HIVEP3: variants seen among roughly 807,000 people sequenced by gnomAD.
HIVEP3 encodes transcription factor HIVEP3.
A neutral mutation model predicts 152.8 loss-of-function variants in HIVEP3; 49 were observed. The ratio of observed to expected loss-of-function variants is 0.32; its 90% CI spans 0.26 to 0.41. The LOEUF (loss-of-function observed/expected upper bound fraction) is 0.41, where lower values mean the gene tolerates loss of function less well. Ranked by LOEUF, HIVEP3 falls within the 10% of genes least tolerant of loss-of-function variation. HIVEP3 has a pLI of 1.00. For synonymous variants in HIVEP3, 1,269 were observed against 1,289.0 expected (o/e 0.98, Z 0.33); for missense variants, 2,790 against 3,103.3 (o/e 0.90, Z 2.40).
intron 5 of HIVEP3, among the ~76,000 whole-genome samples, chr1:41,525,952 G>C (rs145303060): frequency 6.6e-6 from 1 of 151,998 alleles, no homozygotes; most frequent in Non-Finnish European, 1.5e-5. Context: ...TGGAGGAGGC[G>C]TGGCTTCTCA....
intron 1 of HIVEP3, among the ~76,000 whole-genome samples, chr1:41,959,527 T>C (rs1645157971): frequency 6.6e-6 from 1 of 152,216 alleles, no homozygotes; most frequent in South Asian, 2.1e-4. Context: ...GCTGGCCTGA[T>C]CGAGCATTGG....
chr1:41,676,967 C>T (rs566943670), intron 2 of HIVEP3, among the ~76,000 whole-genome samples: 102 of 152,178 alleles, frequency 6.7e-4, no homozygotes, highest in Non-Finnish European at 1.3e-3. Flanking sequence ...CCCTTCTCCA[C>T]CCTGCAGAGT....
intron 3 of HIVEP3, among the ~76,000 whole-genome samples, chr1:41,614,885 A>T (rs1570110287): frequency 6.6e-6 from 1 of 152,340 alleles, no homozygotes. Context: ...TAAGATCTGA[A>T]GGAAATTTCT....
intron 5 of HIVEP3, among the ~76,000 whole-genome samples, chr1:41,528,220 C>A (rs111068058): frequency 7.1e-6 from 1 of 140,846 alleles, no homozygotes; most frequent in African/African-American, 2.7e-5. Context: ...CACCTTCACA[C>A]TCCACCCTCA....
chr1:41,675,128 G>A (rs952715843), intron 2 of HIVEP3, among the ~76,000 whole-genome samples: 4 of 152,220 alleles, frequency 2.6e-5, no homozygotes, highest in South Asian at 4.1e-4. Flanking sequence ...ACCCCTGTGT[G>A]CCCCATGCCT....
At chr1:41,825,752 G>A (rs193011090) in intron 1 of HIVEP3, among the ~76,000 whole-genome samples, 106 of 152,098 alleles carry the variant, frequency 7.0e-4, no homozygotes, top group African/African-American at 2.3e-3. Flanking sequence ...GACTACAGGC[G>A]TGTGCCACCA....
intron 1 of HIVEP3, among the ~76,000 whole-genome samples, chr1:41,972,594 G>A (rs561984189): frequency 6.6e-6 from 1 of 152,316 alleles, no homozygotes; most frequent in East Asian, 1.9e-4. Flanking sequence ...ATCAATAAAT[G>A]CACATAAGTT....
intron 1 of HIVEP3, among the ~76,000 whole-genome samples, chr1:42,017,518 A>G (rs987889779): frequency 7.2e-5 from 11 of 152,090 alleles, no homozygotes; most frequent in Non-Finnish European, 1.0e-4. Context: ...ATTACCAGAG[A>G]TTAGTGCTGC....
At chr1:41,731,943 G>A (rs1301415377) in intron 1 of HIVEP3, among the ~76,000 whole-genome samples, 5 of 152,256 alleles carry the variant, frequency 3.3e-5, no homozygotes, top group Non-Finnish European at 7.3e-5. Context: ...GGTTAAACAA[G>A]TGAATGATTC....
At chr1:41,544,772 C>T (rs1320710121) in intron 5 of HIVEP3, among the ~76,000 whole-genome samples, 27 of 146,194 alleles carry the variant, frequency 1.8e-4, no homozygotes, top group African/African-American at 5.8e-4. Context: ...CCACCACTAC[C>T]ACTACCTCTA....
At chr1:41,791,431 C>T (rs1490673514) in intron 1 of HIVEP3, among the ~76,000 whole-genome samples, 1 of 152,236 alleles carries the variant, frequency 6.6e-6, no homozygotes, top group African/African-American at 2.4e-5. Flanking sequence ...GGTGGAACTA[C>T]CAAGAAGGCT....
intron 1 of HIVEP3, among the ~76,000 whole-genome samples, chr1:41,979,356 C>T (rs548391186): frequency 2.6e-5 from 4 of 152,210 alleles, no homozygotes; most frequent in Non-Finnish European, 4.4e-5. Flanking sequence ...CATGCTGGCT[C>T]GAAGACCATC....
chr1:41,779,845 C>T (rs527357216), intron 1 of HIVEP3, among the ~76,000 whole-genome samples: 1 of 152,266 alleles, frequency 6.6e-6, no homozygotes, highest in Non-Finnish European at 1.5e-5. Flanking sequence ...GTGCTTGCTG[C>T]ATGGGGAGAA....
At chr1:41,545,635 TCAC>T (rs1643769460) in intron 5 of HIVEP3, among the ~76,000 whole-genome samples, 6 of 25,292 alleles carry the variant, frequency 2.4e-4, no homozygotes, top group African/African-American at 6.7e-4. Context: ...ACCACCACCA[TCAC>T]CACCATCACC....
At chr1:41,641,563 T>C (rs546537557) in intron 2 of HIVEP3, among the ~76,000 whole-genome samples, 102 of 152,380 alleles carry the variant, frequency 6.7e-4, no homozygotes, top group African/African-American at 2.4e-3. Context: ...CTTCCTTTTT[T>C]TGGACTTTGT....
At chr1:41,698,899 A>G (rs1415718754) in intron 2 of HIVEP3, among the ~76,000 whole-genome samples, 1 of 152,112 alleles carries the variant, frequency 6.6e-6, no homozygotes, top group African/African-American at 2.4e-5. Context: ...CTTCTGGAGA[A>G]GGGGCAAACT....
At chr1:41,524,584 C>T in intron 6 of HIVEP3, 151 bp downstream of exon 6, 1 of 721,284 alleles carries the variant, frequency 1.4e-6, no homozygotes, top group South Asian at 1.7e-5. Context: ...GCTGCTCTGC[C>T]ACTGGGCACC....
chr1:41,701,845 C>T (rs1231904986), intron 1 of HIVEP3, among the ~76,000 whole-genome samples: 2 of 152,110 alleles, frequency 1.3e-5, no homozygotes, highest in African/African-American at 4.8e-5. Flanking sequence ...GGCTTTGAGC[C>T]CTTGGGGATC....
intron 3 of HIVEP3, among the ~76,000 whole-genome samples, chr1:41,597,531 C>T (rs1644684703): frequency 6.6e-6 from 1 of 152,162 alleles, no homozygotes; most frequent in Non-Finnish European, 1.5e-5. Flanking sequence ...CAGGCGGGTA[C>T]TATTATCATT....
Sources: allele counts gnomAD v4.1 joint callset (sites outside exome capture counted in the v4.1 genomes callset), GRCh38; gene constraint gnomAD v4.1.1; transcripts MANE v1.5; gene names NCBI Gene and HGNC (gene_info 2026-07-23, HGNC 2026-07-21).